Variants in KCNMB4 observed in about 807,000 individuals in gnomAD.
KCNMB4 encodes potassium calcium-activated channel subfamily M regulatory beta subunit 4, also known as calcium-activated potassium channel subunit beta-4.
A neutral mutation model predicts 20.7 loss-of-function variants in KCNMB4; 3 were observed. That is an observed-to-expected ratio of 0.14 (90% CI 0.07 to 0.37). The LOEUF is 0.37. KCNMB4 is among the 10% of genes least tolerant of loss of function. The probability of loss-of-function intolerance (pLI) is 1.00; values close to 1 mark genes in which losing one functional copy is unlikely to be tolerated. For missense variants in KCNMB4, 168 were observed against 265.9 expected (o/e 0.63, Z 2.56); for synonymous variants, 110 against 113.4 (o/e 0.97, Z 0.19).
At position 70,431,354 on chromosome 12, in the gene KCNMB4, G is replaced by A. The variant is rs1013722640; in HGVS notation, c.*701G>A. On this transcript the variant is annotated 3_prime_UTR_variant, in exon 3 of 3. Coordinates refer to ENST00000258111, the MANE Select transcript of KCNMB4 (RefSeq NM_014505.6). ...TCACCAGATTACTTCTTAAGAGAGG[G>A]AGGTGATTCTGAAGAAGGCTTCTAT... 11 of 152,170 alleles carry A rather than the reference G, an allele frequency of 7.2e-5. No homozygotes were observed. Among genetic ancestry groups the A allele is most frequent in the Non-Finnish European group, 1.6e-4 (11 of 68,040 alleles). 9.4% of individuals were successfully genotyped at this position (152,170 alleles called of 1,614,324 possible).
At chr12:70,395,684 G>C (rs1006124390) in intron 1 of KCNMB4, among the ~76,000 whole-genome samples, 1 of 152,036 alleles carries the variant, frequency 6.6e-6, no homozygotes, top group Non-Finnish European at 1.5e-5. Context: ...TAGCCCACTC[G>C]GTTCCATGAA....
At chr12:70,417,744 A>G (rs951575545) in intron 2 of KCNMB4, among the ~76,000 whole-genome samples, 11 of 152,126 alleles carry the variant, frequency 7.2e-5, no homozygotes, top group Non-Finnish European at 1.3e-4. Context: ...CTGACACTCT[A>G]TGGCACTGGA....
chr12:70,384,545 A>G (rs1883852730), intron 1 of KCNMB4, among the ~76,000 whole-genome samples: 1 of 152,136 alleles, frequency 6.6e-6, no homozygotes, highest in Non-Finnish European at 1.5e-5. Flanking sequence ...AACAGAGTCT[A>G]GGACAGAGCT....
intron 1 of KCNMB4, among the ~76,000 whole-genome samples, chr12:70,398,534 A>AT (rs1414869907): frequency 6.6e-6 from 1 of 152,150 alleles, no homozygotes; most frequent in Non-Finnish European, 1.5e-5. Context: ...GAAGATAAAC[A>AT]TTCAGTGATT....
chr12:70,384,083 A>C (rs1441134350), intron 1 of KCNMB4, among the ~76,000 whole-genome samples: 1 of 152,064 alleles, frequency 6.6e-6, no homozygotes. Context: ...CAAACAAAAA[A>C]CACCAGTCAT....
chr12:70,410,582 G>T (rs548106667), intron 2 of KCNMB4, among the ~76,000 whole-genome samples: 9 of 152,268 alleles, frequency 5.9e-5, no homozygotes, highest in Admixed American at 5.9e-4. Flanking sequence ...GTAAAATGAG[G>T]ATAGCATTAC....
intron 2 of KCNMB4, among the ~76,000 whole-genome samples, chr12:70,405,247 A>G (rs1220055585): frequency 6.6e-6 from 1 of 152,184 alleles, no homozygotes; most frequent in Non-Finnish European, 1.5e-5. Context: ...TCTGCTAAAG[A>G]GTTAATCCCC....
At chr12:70,400,146 A>T (rs943887911) in intron 1 of KCNMB4, 63 bp from the exon 2 acceptor site, 1 of 1,294,378 alleles carries the variant, frequency 7.7e-7, no homozygotes, top group Non-Finnish European at 1.0e-6. Context: ...TTTCTATAAA[A>T]AAAGACTGTA....
Position 70,366,708 on chromosome 12 carries a change from C to A in KCNMB4, c.-27C>A. 2 of 1,503,450 alleles carry A rather than the reference C, an allele frequency of 1.3e-6. No individual in the cohort carries two copies. Among genetic ancestry groups the A allele is most frequent in the South Asian group, 2.5e-5 (2 of 78,606 alleles). 93.1% of individuals were successfully genotyped at this position (1,503,450 alleles called of 1,614,324 possible). On this transcript the variant is annotated 5_prime_UTR_variant, in exon 1 of 3. Coordinates refer to ENST00000258111, the MANE Select transcript of KCNMB4 (RefSeq NM_014505.6). ...CGGGGGCGGGAGGGGGCGGGGGGAG[C>A]ACGCCAGCCGCCGAGAGTGGGGGGC...
At chr12:70,377,988 T>C (rs1417744277) in intron 1 of KCNMB4, among the ~76,000 whole-genome samples, 3 of 150,900 alleles carry the variant, frequency 2.0e-5, no homozygotes, top group African/African-American at 7.3e-5. Flanking sequence ...CTTGCCCTGT[T>C]GCCCAGGCTG....
At position 70,433,180 on chromosome 12, in the gene KCNMB4, A is replaced by G. The variant is rs1485722202; in HGVS notation, c.*2527A>G. On this transcript the variant is annotated 3_prime_UTR_variant, in exon 3 of 3. Coordinates refer to ENST00000258111, the MANE Select transcript of KCNMB4 (RefSeq NM_014505.6). Reference sequence around the variant, plus strand: ...GCAGAGGACATTTTAAGGTCATAAAAGGTAAATAAGCTTACCTTCTTAATG... The same window carrying G: ...GCAGAGGACATTTTAAGGTCATAAAGGGTAAATAAGCTTACCTTCTTAATG... 6.6e-6 allele frequency: 1 copy of G among 152,208 alleles called. No homozygotes were observed. The highest frequency in any genetic ancestry group is 6.5e-5 in the Admixed American group (1 of 15,288). The allele number at this position is 152,208 out of a possible 1,614,324, so 9.4% of individuals were successfully genotyped here.
At chr12:70,383,606 G>A (rs61929945) in intron 1 of KCNMB4, among the ~76,000 whole-genome samples, 16,903 of 152,216 alleles carry the variant, frequency 0.11, 1,249 homozygotes, top group Non-Finnish European at 0.17. Flanking sequence ...ATGCTCCCCT[G>A]AAGGCTCTAG....
At chr12:70,427,875 C>T (rs971602499) in intron 2 of KCNMB4, among the ~76,000 whole-genome samples, 12 of 152,110 alleles carry the variant, frequency 7.9e-5, no homozygotes, top group South Asian at 2.1e-4. Context: ...TGAATACAAA[C>T]GAGGATCCAC....
At chr12:70,387,106 G>GT (rs556220560) in intron 1 of KCNMB4, among the ~76,000 whole-genome samples, 2,089 of 146,680 alleles carry the variant, frequency 0.014, 20 homozygotes, top group South Asian at 0.048. Context: ...TATTTTTGTT[G>GT]TTTTTTTTTT....
chr12:70,383,464 A>G (rs1439414272), intron 1 of KCNMB4, among the ~76,000 whole-genome samples: 1 of 152,170 alleles, frequency 6.6e-6, no homozygotes, highest in African/African-American at 2.4e-5. Context: ...ATACATATCA[A>G]AATCCTGAAA....
chr12:70,421,400 G>T (rs888173819), intron 2 of KCNMB4, among the ~76,000 whole-genome samples: 1 of 140,594 alleles, frequency 7.1e-6, no homozygotes, highest in African/African-American at 2.6e-5. Context: ...GCTGAGGTGA[G>T]AGGATTGCTT....
intron 1 of KCNMB4, among the ~76,000 whole-genome samples, chr12:70,395,079 T>C (rs961435468): frequency 6.6e-6 from 1 of 152,082 alleles, no homozygotes; most frequent in African/African-American, 2.4e-5. Context: ...CTGACAGATA[T>C]TTCTTATAGG....
intron 1 of KCNMB4, among the ~76,000 whole-genome samples, chr12:70,386,609 T>C (rs2136122655): frequency 6.6e-6 from 1 of 151,488 alleles, no homozygotes; most frequent in Non-Finnish European, 1.5e-5. Flanking sequence ...TTTTTTTTTT[T>C]TTAAGGAGAT....
intron 1 of KCNMB4, among the ~76,000 whole-genome samples, chr12:70,383,097 G>A (rs1033914040): frequency 5.3e-5 from 8 of 152,120 alleles, no homozygotes; most frequent in Admixed American, 2.6e-4. Context: ...TGAGACCACA[G>A]TCATAAATGC....
Sources: gnomAD v4.1 joint callset for allele counts (sites outside exome capture counted in the v4.1 genomes callset) on GRCh38, gnomAD v4.1.1 for gene constraint, MANE v1.5 for transcripts, NCBI Gene and HGNC (gene_info 2026-07-23, HGNC 2026-07-21) for gene names.